The following PRR16 variants were observed in gnomAD, a reference collection of about 807,000 sequenced individuals.
The protein encoded by PRR16 is protein Largen.
A neutral mutation model predicts 18.2 loss-of-function variants in PRR16; 6 were observed. The observed-to-expected ratio is 0.33, with a 90% CI of 0.18 to 0.65. The LOEUF is 0.65. Among genes scored for constraint, PRR16 ranks in the 30% least tolerant of loss-of-function variants. The pLI, the probability that PRR16 is intolerant of heterozygous loss-of-function variation, is 0.74. For missense variants in PRR16, 412 were observed against 376.6 expected, an observed-to-expected ratio of 1.09 and a Z score of -0.78; for synonymous variants, 151 against 147.8, an observed-to-expected ratio of 1.02 and a Z score of -0.16.
chr5:120,699,700 A>G, the PRR16 span, among the ~76,000 whole-genome samples: 1 of 152,156 alleles, frequency 6.6e-6, no homozygotes, highest in African/African-American at 2.4e-5. Flanking sequence ...GGGCTAGGCT[A>G]AAACAGTAAG....
At chr5:120,610,471 A>T (rs1484199121) in intron 1 of PRR16, among the ~76,000 whole-genome samples, 2 of 152,020 alleles carry the variant, frequency 1.3e-5, no homozygotes, top group African/African-American at 2.4e-5. Context: ...CCATATCTCA[A>T]CTTGAGTTAC....
rs1751144181 is a variant in PRR16 at position 120,520,667 on chromosome 5, T to C, written c.159+56022T>C. ...TTTGGGTGAAGTTTTCACTGTTGCA[T>C]TTTATTGTTCTCAATTTGACCATCT... On this transcript the variant is annotated intron_variant, in intron 1 of 1. Transcript: ENST00000407149. 2.6e-5 allele frequency among the ~76,000 whole-genome samples: 4 copies of C among 152,298 alleles called. No individual in the cohort carries two copies. The South Asian group carries it at 6.2e-4, about 24-fold the overall frequency.
intron 1 of PRR16, among the ~76,000 whole-genome samples, chr5:120,574,242 A>C (rs1042811809): frequency 6.6e-6 from 1 of 152,164 alleles, no homozygotes; most frequent in Non-Finnish European, 1.5e-5. Flanking sequence ...AATAATTGCA[A>C]CAAGTCAATA....
chr5:120,682,876 C>G (rs535626996), intron 1 of PRR16, among the ~76,000 whole-genome samples: 1 of 152,134 alleles, frequency 6.6e-6, no homozygotes, highest in East Asian at 1.9e-4. Context: ...GAAGAAATAA[C>G]CCTCGGAGCA....
chr5:120,699,077 C>T, the PRR16 span, among the ~76,000 whole-genome samples: 14 of 151,964 alleles, frequency 9.2e-5, no homozygotes, highest in South Asian at 2.1e-4. Flanking sequence ...TTCCCTGACT[C>T]GGGACATGTT....
the PRR16 span, among the ~76,000 whole-genome samples, chr5:120,754,575 T>C: frequency 1.8e-5 from 1 of 56,990 alleles, no homozygotes; most frequent in African/African-American, 8.7e-5. Context: ...AATATATTTA[T>C]ATTTTATATA....
chr5:120,476,653 T>C (rs1009602838), intron 1 of PRR16, among the ~76,000 whole-genome samples: 5 of 152,134 alleles, frequency 3.3e-5, no homozygotes, highest in Non-Finnish European at 7.3e-5. Context: ...AAGAACATCA[T>C]GAACAATCCT....
intron 1 of PRR16, among the ~76,000 whole-genome samples, chr5:120,559,266 G>C (rs1752505073): frequency 6.6e-6 from 1 of 151,880 alleles, no homozygotes; most frequent in Non-Finnish European, 1.5e-5. Flanking sequence ...TTTTTGAGTA[G>C]TTTTATAGTT....
chr5:120,739,605 TTAC>T, the PRR16 span, among the ~76,000 whole-genome samples: 4 of 152,298 alleles, frequency 2.6e-5, no homozygotes, highest in South Asian at 8.3e-4. Context: ...TTGGTTTATT[TTAC>T]ATTGTACATA....
intron 1 of PRR16, among the ~76,000 whole-genome samples, chr5:120,639,030 A>G (rs1755337726): frequency 6.6e-6 from 1 of 152,068 alleles, no homozygotes; most frequent in Non-Finnish European, 1.5e-5. Flanking sequence ...CAAACAATAT[A>G]TTTTATTTCA....
At chr5:120,624,248 T>C (rs939278874) in intron 1 of PRR16, among the ~76,000 whole-genome samples, 1 of 152,150 alleles carries the variant, frequency 6.6e-6, no homozygotes, top group Non-Finnish European at 1.5e-5. Flanking sequence ...ATTACACTCA[T>C]ATAAAATGGA....
chr5:120,775,810 T>C, the PRR16 span, among the ~76,000 whole-genome samples: 8 of 147,764 alleles, frequency 5.4e-5, no homozygotes, highest in Non-Finnish European at 1.0e-4. Flanking sequence ...TTTTTTTTTT[T>C]TTTTTTTTTG....
intron 1 of PRR16, among the ~76,000 whole-genome samples, chr5:120,640,718 A>G (rs577590487): frequency 4.3e-4 from 66 of 152,260 alleles, no homozygotes; most frequent in African/African-American, 1.5e-3. Context: ...AAGTAGCTCA[A>G]TGGTACTGTC....
At chr5:120,577,932 A>G (rs1010578524) in intron 1 of PRR16, among the ~76,000 whole-genome samples, 3 of 152,208 alleles carry the variant, frequency 2.0e-5, no homozygotes, top group Non-Finnish European at 1.5e-5. Context: ...ATGTGTGTAA[A>G]CTAGCACTTT....
At chr5:120,570,551 G>A (rs1017189019) in intron 1 of PRR16, among the ~76,000 whole-genome samples, 5 of 152,092 alleles carry the variant, frequency 3.3e-5, no homozygotes, top group African/African-American at 1.2e-4. Flanking sequence ...AATGCTAGGT[G>A]TATGGCCAAG....
At chr5:120,553,009 A>G (rs973232992) in intron 1 of PRR16, among the ~76,000 whole-genome samples, 1 of 151,782 alleles carries the variant, frequency 6.6e-6, no homozygotes, top group African/African-American at 2.4e-5. Context: ...GGACCACATA[A>G]CTCCGAACTC....
chr5:120,690,412 G>A (rs890877748), downstream of PRR16, among the ~76,000 whole-genome samples: 2 of 152,006 alleles, frequency 1.3e-5, no homozygotes, highest in Admixed American at 1.3e-4. Context: ...TGAAGATTTC[G>A]TTTCTTGCTT....
chr5:120,758,945 G>GTTGTACATTGATTT, the PRR16 span, among the ~76,000 whole-genome samples: 1 of 146,406 alleles, frequency 6.8e-6, no homozygotes, highest in Non-Finnish European at 1.5e-5. Context: ...TTATTGAAGA[G>GTTGTACATTGATTT]TTGTACATTG....
intron 1 of PRR16, among the ~76,000 whole-genome samples, chr5:120,536,237 T>C (rs1268291935): frequency 1.3e-5 from 2 of 152,134 alleles, no homozygotes; most frequent in African/African-American, 4.8e-5. Context: ...TAGTAACCAA[T>C]TGATTTAAAT....
Sources: gnomAD v4.1 joint callset for allele counts (sites outside exome capture counted in the v4.1 genomes callset) on GRCh38, gnomAD v4.1.1 for gene constraint, MANE v1.5 for transcripts, NCBI Gene and HGNC (gene_info 2026-07-23, HGNC 2026-07-21) for gene names.